Variants in OSBPL10 observed in about 807,000 individuals in gnomAD.
OSBPL10 encodes the protein oxysterol binding protein like 10, also known as oxysterol-binding protein-related protein 10.
Under a neutral mutation model 81.7 loss-of-function variants are expected in OSBPL10, and 49 were observed. The observed-to-expected ratio is 0.60, with a 90% CI of 0.48 to 0.76. The LOEUF is 0.76. OSBPL10 is among the 30% of genes least tolerant of loss of function. OSBPL10 has a pLI of 0.00. For missense variants in OSBPL10, 923 were observed against 987.8 expected (o/e 0.93, Z 0.88); for synonymous variants, 419 against 383.6 (o/e 1.09, Z -1.08).
At chr3:31,969,450 A>C (rs1009820233) in intron 1 of OSBPL10, 1 of 152,182 alleles carries the variant, frequency 6.6e-6, no homozygotes, top group Non-Finnish European at 1.5e-5. Context: ...CACCGAACAC[A>C]ACCCATGCAC....
intron 4 of OSBPL10, among the ~76,000 whole-genome samples, chr3:31,818,120 C>CA (rs1331599427): frequency 6.6e-6 from 1 of 151,808 alleles, no homozygotes; most frequent in Admixed American, 6.6e-5. Context: ...AACAAACAAA[C>CA]AAAAAAACAC....
At chr3:31,833,571 A>G (rs753598178) in intron 3 of OSBPL10, among the ~76,000 whole-genome samples, 1 of 152,216 alleles carries the variant, frequency 6.6e-6, no homozygotes, top group Admixed American at 6.5e-5. Flanking sequence ...GCACAAAATC[A>G]TAAGCAGTCG....
At chr3:31,791,098 T>A (rs1415015960) in intron 4 of OSBPL10, among the ~76,000 whole-genome samples, 1 of 150,590 alleles carries the variant, frequency 6.6e-6, no homozygotes, top group Non-Finnish European at 1.5e-5. Context: ...AAAAAAAAAA[T>A]ACCTGTGTGA....
intron 1 of OSBPL10, among the ~76,000 whole-genome samples, chr3:31,973,104 C>G (rs1396464445): frequency 6.6e-6 from 1 of 152,146 alleles, no homozygotes; most frequent in Non-Finnish European, 1.5e-5. Context: ...GGGAGCCAGG[C>G]AGAACTGCAA....
chr3:31,718,832 C>T (rs754010640), intron 6 of OSBPL10: 5 of 152,034 alleles, frequency 3.3e-5, no homozygotes, highest in Non-Finnish European at 4.4e-5. Flanking sequence ...GGGATGGGGA[C>T]GGAAGGTCCA....
rs555609400 is a variant in OSBPL10 at position 31,695,302 on chromosome 3, C to T, written c.1245+7057G>A. 2.0e-5 allele frequency among the ~76,000 whole-genome samples: 3 copies of T among 152,324 alleles called. No homozygotes were observed. The East Asian group carries it at 5.8e-4, about 29-fold the overall frequency. On this transcript the variant is annotated intron_variant, in intron 7 of 11. Transcript: ENST00000396556. ...CCTCTGAGAAATCCACATAGGGTTA[C>T]AAACAGGCACACTGTCATTATCTGT...
intron 1 of OSBPL10, among the ~76,000 whole-genome samples, chr3:31,906,183 G>A (rs1363389516): frequency 6.6e-6 from 1 of 151,978 alleles, no homozygotes; most frequent in Non-Finnish European, 1.5e-5. Context: ...TTTTCACTTT[G>A]TTCTTCACCA....
At chr3:31,734,145 A>G (rs1360020615) in intron 5 of OSBPL10, among the ~76,000 whole-genome samples, 2 of 152,230 alleles carry the variant, frequency 1.3e-5, no homozygotes, top group African/African-American at 2.4e-5. Context: ...AAGTGAGCAC[A>G]GGATGCCACC....
At chr3:31,696,482 GCAAAGC>G (rs1305166532) in intron 7 of OSBPL10, among the ~76,000 whole-genome samples, 1 of 152,144 alleles carries the variant, frequency 6.6e-6, no homozygotes, top group African/African-American at 2.4e-5. Context: ...TCAGACTTTG[GCAAAGC>G]CAAATACAAT....
At chr3:31,683,572 A>G in intron 8 of OSBPL10, 62 bp downstream of exon 8, 1 of 1,544,088 alleles carries the variant, frequency 6.5e-7, no homozygotes, top group Non-Finnish European at 8.7e-7. Context: ...ATTATCAATC[A>G]TCTACCAGGT....
At chr3:31,751,374 A>AT (rs1559448678) in intron 4 of OSBPL10, among the ~76,000 whole-genome samples, 1 of 118,024 alleles carries the variant, frequency 8.5e-6, no homozygotes, top group African/African-American at 4.1e-5. Context: ...AAACAAACAA[A>AT]CAAATAAAAT....
intron 3 of OSBPL10, among the ~76,000 whole-genome samples, chr3:31,867,122 T>C (rs757518390): frequency 1.4e-4 from 21 of 152,126 alleles, no homozygotes; most frequent in Non-Finnish European, 2.5e-4. Context: ...CAGATGAAGA[T>C]TCACAGGGAC....
chr3:31,859,177 TG>T (rs1415211627), intron 3 of OSBPL10, among the ~76,000 whole-genome samples: 216 of 152,038 alleles, frequency 1.4e-3, no homozygotes, highest in African/African-American at 5.1e-3. Flanking sequence ...TTTTTTTTGT[TG>T]TTGTTTTTAC....
chr3:31,900,014 AGAAAAT>A (rs1575605951), intron 1 of OSBPL10, among the ~76,000 whole-genome samples: 2 of 149,586 alleles, frequency 1.3e-5, no homozygotes, highest in Non-Finnish European at 3.0e-5. Context: ...AAACATGGTT[AGAAAAT>A]AAAACTTTTT....
intron 1 of OSBPL10, among the ~76,000 whole-genome samples, chr3:31,950,224 G>C (rs892893355): frequency 3.9e-5 from 6 of 152,016 alleles, no homozygotes; most frequent in African/African-American, 1.4e-4. Context: ...ATCCAACAAA[G>C]GATAAGTATG....
At chr3:31,972,314 A>G (rs1048263445) in intron 1 of OSBPL10, among the ~76,000 whole-genome samples, 1 of 152,198 alleles carries the variant, frequency 6.6e-6, no homozygotes, top group African/African-American at 2.4e-5. Context: ...GCTTGAACCC[A>G]GGAGGTGGAA....
At chr3:31,742,840 G>T (rs1385904790) in intron 5 of OSBPL10, among the ~76,000 whole-genome samples, 1 of 152,048 alleles carries the variant, frequency 6.6e-6, no homozygotes, top group Non-Finnish European at 1.5e-5. Flanking sequence ...ACCTTTTCCA[G>T]TTTTGAGCGT....
chr3:31,913,891 C>T (rs1177711835), intron 1 of OSBPL10, among the ~76,000 whole-genome samples: 2 of 152,076 alleles, frequency 1.3e-5, no homozygotes, highest in African/African-American at 4.8e-5. Flanking sequence ...GCTATAACCA[C>T]CATTTCTTCC....
chr3:31,948,037 G>C (rs1032906687), intron 1 of OSBPL10, among the ~76,000 whole-genome samples: 1 of 152,198 alleles, frequency 6.6e-6, no homozygotes, highest in Admixed American at 6.5e-5. Flanking sequence ...CCAGAGTGGA[G>C]GATGCAGGTT....
Sources: gnomAD v4.1 joint callset for allele counts (sites outside exome capture counted in the v4.1 genomes callset) on GRCh38, gnomAD v4.1.1 for gene constraint, MANE v1.5 for transcripts, NCBI Gene and HGNC (gene_info 2026-07-23, HGNC 2026-07-21) for gene names.